Variants in HS3ST2 observed in about 807,000 individuals in gnomAD.
The protein encoded by HS3ST2 is heparan sulfate-glucosamine 3-sulfotransferase 2.
In HS3ST2, 17 loss-of-function variants were observed where a neutral mutation model predicts 26.3. That is an observed-to-expected ratio of 0.65 (90% CI 0.44 to 0.97). The LOEUF (loss-of-function observed/expected upper bound fraction) is 0.97, where lower values mean the gene tolerates loss of function less well. HS3ST2 is among the 50% of genes least tolerant of loss of function. The probability of loss-of-function intolerance (pLI) is 0.00; values close to 1 mark genes in which losing one functional copy is unlikely to be tolerated. For missense variants in HS3ST2, 402 were observed against 501.2 expected, an observed-to-expected ratio of 0.80 and a Z score of 1.89; for synonymous variants, 237 against 219.2, an observed-to-expected ratio of 1.08 and a Z score of -0.72.
intron 1 of HS3ST2, among the ~76,000 whole-genome samples, chr16:22,896,966 C>T (rs1283421950): frequency 6.6e-6 from 1 of 152,008 alleles, no homozygotes; most frequent in Non-Finnish European, 1.5e-5. Context: ...TACCACCATG[C>T]CTGGCTAATT....
At chr16:22,836,388 G>A (rs529222183) in intron 1 of HS3ST2, among the ~76,000 whole-genome samples, 227 of 152,252 alleles carry the variant, frequency 1.5e-3, no homozygotes, top group Non-Finnish European at 2.7e-3. Flanking sequence ...CTGCTTCTGG[G>A]AGGCCTCAGG....
intron 1 of HS3ST2, among the ~76,000 whole-genome samples, chr16:22,907,912 T>C (rs1039257275): frequency 6.6e-6 from 1 of 152,016 alleles, no homozygotes; most frequent in Non-Finnish European, 1.5e-5. Context: ...CTGAGGTGGA[T>C]GGATTGCTTG....
intron 1 of HS3ST2, among the ~76,000 whole-genome samples, chr16:22,833,657 C>T (rs554508570): frequency 6.6e-6 from 1 of 152,238 alleles, no homozygotes; most frequent in East Asian, 1.9e-4. Flanking sequence ...TCTATGTGGA[C>T]TCTTGTAGGG....
At chr16:22,852,348 G>T (rs186229756) in intron 1 of HS3ST2, among the ~76,000 whole-genome samples, 1 of 152,274 alleles carries the variant, frequency 6.6e-6, no homozygotes, top group East Asian at 1.9e-4. Flanking sequence ...GCATGATTGT[G>T]GTAGTAAATA....
intron 1 of HS3ST2, among the ~76,000 whole-genome samples, chr16:22,817,358 C>T (rs1425709511): frequency 1.3e-5 from 2 of 152,120 alleles, no homozygotes; most frequent in South Asian, 2.1e-4. Flanking sequence ...GTGGTTTGTG[C>T]TTCTTTCAGT....
chr16:22,873,093 A>T (rs1194721733), intron 1 of HS3ST2, among the ~76,000 whole-genome samples: 3 of 152,238 alleles, frequency 2.0e-5, no homozygotes, highest in African/African-American at 7.2e-5. Flanking sequence ...AATTATTCAC[A>T]TAAAGCATCT....
At chr16:22,912,166 C>T (rs761355105) in intron 1 of HS3ST2, among the ~76,000 whole-genome samples, 10 of 152,154 alleles carry the variant, frequency 6.6e-5, no homozygotes, top group African/African-American at 1.4e-4. Flanking sequence ...AGGTTCTGGG[C>T]GGACATATCT....
intron 1 of HS3ST2, chr16:22,833,441 G>T: frequency 2.4e-6 from 1 of 418,178 alleles, no homozygotes; most frequent in East Asian, 7.2e-5. Flanking sequence ...TGGAGAAGAA[G>T]GTCAGAGGTA....
chr16:22,908,334 C>G (rs1473212520), intron 1 of HS3ST2, among the ~76,000 whole-genome samples: 2 of 152,126 alleles, frequency 1.3e-5, no homozygotes, highest in East Asian at 3.8e-4. Context: ...TCGGGAGATA[C>G]AGCTGCAAAT....
chr16:22,840,155 G>A (rs2238482), intron 1 of HS3ST2, among the ~76,000 whole-genome samples: 17,420 of 152,232 alleles, frequency 0.11, 1,216 homozygotes, highest in South Asian at 0.22. Flanking sequence ...GACTTACAAA[G>A]GTAAGTAGAA....
At chr16:22,906,367 CTAAATAAA>C (rs55897973) in intron 1 of HS3ST2, among the ~76,000 whole-genome samples, 2 of 144,046 alleles carry the variant, frequency 1.4e-5, no homozygotes, top group Non-Finnish European at 3.0e-5. Context: ...GAGACTCCAT[CTAAATAAA>C]TAAATAAATA....
chr16:22,881,352 T>C (rs570236806), intron 1 of HS3ST2, among the ~76,000 whole-genome samples: 2 of 152,274 alleles, frequency 1.3e-5, no homozygotes, highest in African/African-American at 2.4e-5. Flanking sequence ...ACATTTGCGC[T>C]GTCAGGAGGA....
intron 1 of HS3ST2, among the ~76,000 whole-genome samples, chr16:22,834,553 T>C (rs1171760341): frequency 1.3e-5 from 2 of 152,052 alleles, no homozygotes; most frequent in African/African-American, 4.8e-5. Context: ...CTGATAGACA[T>C]TTAGATTGCT....
At position 22,874,617 on chromosome 16, in the gene HS3ST2, C is replaced by A. The variant is rs116512575; in HGVS notation, c.486-40327C>A. On this transcript the variant is annotated intron_variant, in intron 1 of 1. Transcript: ENST00000261374. ...AGGCCATATGCTGTCTGGAACGAGG[C>A]ATTATTCACTGTAAGTGTCACTGCT... Among the ~76,000 whole-genome samples, 414 of 152,280 alleles carry A rather than the reference C, an allele frequency of 2.7e-3. 2 individuals are homozygous for A. The highest frequency in any genetic ancestry group is 8.8e-3 in the African/African-American group (367 of 41,552).
chr16:22,846,302 A>G (rs1042031174), intron 1 of HS3ST2, among the ~76,000 whole-genome samples: 2 of 151,528 alleles, frequency 1.3e-5, no homozygotes, highest in Non-Finnish European at 2.9e-5. Flanking sequence ...ATATATGTAT[A>G]TTTGTGTGTG....
At chr16:22,910,702 A>G (rs527931134) in intron 1 of HS3ST2, among the ~76,000 whole-genome samples, 1 of 152,320 alleles carries the variant, frequency 6.6e-6, no homozygotes, top group African/African-American at 2.4e-5. Flanking sequence ...AAGGGTCTAC[A>G]TAGACTTTGG....
At position 22,830,722 on chromosome 16, in the gene HS3ST2, A is replaced by G. The variant is rs112523236; in HGVS notation, c.485+15627A>G. Among the ~76,000 whole-genome samples the G allele has an allele frequency of 5.2e-3, 794 of 152,272 alleles. 5 individuals are homozygous for G. Among genetic ancestry groups the G allele is most frequent in the African/African-American group, 0.018 (736 of 41,548 alleles). ...GGCCAACCTGTCTACAACCTCCCCA[A>G]TCATGGGGTCATCAACGTCCTTTAC... On this transcript the variant is annotated intron_variant, in intron 1 of 1. Transcript: ENST00000261374.
intron 1 of HS3ST2, among the ~76,000 whole-genome samples, chr16:22,866,369 C>CAT (rs766137596): frequency 5.6e-5 from 8 of 143,744 alleles, no homozygotes; most frequent in Non-Finnish European, 1.1e-4. Flanking sequence ...ATATGGTGTG[C>CAT]GTGTGTGTGT....
intron 1 of HS3ST2, among the ~76,000 whole-genome samples, chr16:22,856,642 TC>T (rs1252898555): frequency 6.6e-6 from 1 of 152,026 alleles, no homozygotes. Flanking sequence ...TTTTGGGAGG[TC>T]CCTCCTGGGG....
Sources: allele counts gnomAD v4.1 joint callset (sites outside exome capture counted in the v4.1 genomes callset), GRCh38; gene constraint gnomAD v4.1.1; transcripts MANE v1.5; gene names NCBI Gene and HGNC (gene_info 2026-07-23, HGNC 2026-07-21).